Variants in RBBP8 observed in about 807,000 individuals in gnomAD.
RBBP8 encodes the protein DNA endonuclease RBBP8.
Under a neutral mutation model 108.3 loss-of-function variants are expected in RBBP8, and 88 were observed. The ratio of observed to expected loss-of-function variants is 0.81; its 90% CI spans 0.68 to 0.97. The LOEUF (loss-of-function observed/expected upper bound fraction) is 0.97. RBBP8 is among the 50% of genes least tolerant of loss of function. The pLI is 0.00. For missense variants in RBBP8, 1,023 were observed against 1,049.0 expected (o/e 0.98, Z 0.34); for synonymous variants, 332 against 348.2 (o/e 0.95, Z 0.52).
At chr18:22,986,788 T>C (rs1288264199) in intron 8 of RBBP8, among the ~76,000 whole-genome samples, 1 of 151,658 alleles carries the variant, frequency 6.6e-6, no homozygotes, top group South Asian at 2.1e-4. Flanking sequence ...TACAAATCAT[T>C]TTATATTAAC....
At chr18:22,971,067 T>G (rs1044144823) in intron 5 of RBBP8, among the ~76,000 whole-genome samples, 1 of 152,122 alleles carries the variant, frequency 6.6e-6, no homozygotes, top group African/African-American at 2.4e-5. Context: ...GGCAGGTACT[T>G]TTTCAGGCCT....
chr18:22,936,515 A>G (rs1910594959), intron 1 of RBBP8, among the ~76,000 whole-genome samples: 1 of 152,232 alleles, frequency 6.6e-6, no homozygotes, highest in Non-Finnish European at 1.5e-5. Flanking sequence ...TTCCTCTAAG[A>G]GAAATAAGAA....
chr18:22,950,817 G>C (rs1032605479), intron 4 of RBBP8, among the ~76,000 whole-genome samples: 1 of 152,104 alleles, frequency 6.6e-6, no homozygotes, highest in East Asian at 1.9e-4. Context: ...ACACTGAGAC[G>C]GGAGGATTGC....
intron 1 of RBBP8, among the ~76,000 whole-genome samples, chr18:22,914,923 G>A (rs556468436): frequency 2.0e-5 from 3 of 152,168 alleles, no homozygotes; most frequent in African/African-American, 7.2e-5. Context: ...AACTTTTTAG[G>A]TTAAAGAATA....
At position 22,993,537 on chromosome 18, in the gene RBBP8, C is replaced by A; in HGVS notation, c.1710C>A (p.Asp570Glu). ...AGCCCTTGAATAAATGCTCTCCAGA[C>A]AATAAACCATCATTACAAATAAAAG... ...ILQPLNKCSPDNKPSLQIKEE... is the reference protein window; with the variant it reads ...ILQPLNKCSPENKPSLQIKEE... The change falls in exon 11 of 19, where the codon GAC (aspartate) becomes GAA (glutamate). Residue 570 changes from aspartate (D) to glutamate (E), a missense_variant. Transcript: ENST00000327155. The A allele has an allele frequency of 6.2e-7, 1 of 1,613,488 alleles. No homozygotes were observed. The highest frequency in any genetic ancestry group is 8.5e-7 in the Non-Finnish European group (1 of 1,179,870).
In RBBP8 at chr18:22,997,674, G is replaced by C; in HGVS notation, c.2083G>C (p.Val695Leu). 1 of 1,610,998 alleles carries C rather than the reference G, an allele frequency of 6.2e-7. No individual in the cohort carries two copies. The highest frequency in any genetic ancestry group is 8.5e-7 in the Non-Finnish European group (1 of 1,178,152). ...GACAGTGGACATGGACTGTACATTG[G>C]TTAGTGAAACCGTTCTCTTAAAAAT... ...GETVDMDCTL[V>L]SETVLLKMKK... Residue 695 changes from valine (V) to leucine (L), a missense_variant, in exon 14 of 19, where the codon GTT becomes CTT. Physicochemically the swap from Val to Leu is conservative, Grantham distance 32. Coordinates refer to ENST00000327155, the MANE Select transcript of RBBP8 (RefSeq NM_002894.3).
At chr18:22,969,204 G>T (rs1266945622) in intron 5 of RBBP8, among the ~76,000 whole-genome samples, 4 of 149,332 alleles carry the variant, frequency 2.7e-5, no homozygotes, top group African/African-American at 9.8e-5. Context: ...GTCCATATTT[G>T]CTTCTTTGGT....
Position 22,969,988 on chromosome 18 carries a change from G to A in RBBP8, c.361+1070G>A, listed in dbSNP as rs139174263. 5.3e-3 allele frequency among the ~76,000 whole-genome samples: 800 copies of A among 152,260 alleles called. 3 individuals carry two copies. The highest frequency in any genetic ancestry group is 9.0e-3 in the Non-Finnish European group (610 of 68,010). ...GTCATCTGTAGGGTATTGGTTCCAGGACCCTGACGCATACCAAAATCCTTG... is the reference window on the plus strand; with the variant it reads ...GTCATCTGTAGGGTATTGGTTCCAGAACCCTGACGCATACCAAAATCCTTG... On this transcript the variant is annotated intron_variant, in intron 5 of 18. Coordinates refer to ENST00000327155, the MANE Select transcript of RBBP8 (RefSeq NM_002894.3).
At chr18:22,979,004 A>G (rs1914696806) in intron 6 of RBBP8, among the ~76,000 whole-genome samples, 1 of 152,248 alleles carries the variant, frequency 6.6e-6, no homozygotes, top group South Asian at 2.1e-4. Context: ...ACAGTGGCTC[A>G]TGCCTGTAGT....
intron 4 of RBBP8, among the ~76,000 whole-genome samples, chr18:22,964,233 T>C (rs1567964215): frequency 6.6e-6 from 1 of 152,124 alleles, no homozygotes; most frequent in Admixed American, 6.5e-5. Context: ...TCTGATTTTT[T>C]ATCTTTTCTG....
chr18:22,960,590 C>T (rs1017095493), intron 4 of RBBP8, among the ~76,000 whole-genome samples: 18 of 152,104 alleles, frequency 1.2e-4, no homozygotes, highest in Non-Finnish European at 2.5e-4. Flanking sequence ...TACAGTCTCC[C>T]TTTATAAAAA....
chr18:23,022,651 T>TAAATAAA (rs370599195), intron 18 of RBBP8, among the ~76,000 whole-genome samples: 2 of 84,368 alleles, frequency 2.4e-5, no homozygotes, highest in African/African-American at 1.2e-4. Flanking sequence ...TAAAATACAA[T>TAAATAAA]ATAAAATAAA....
At chr18:22,919,452 G>T (rs745564521) in intron 3 of RBBP8, among the ~76,000 whole-genome samples, 1 of 152,188 alleles carries the variant, frequency 6.6e-6, no homozygotes, top group African/African-American at 2.4e-5. Flanking sequence ...TTAAGTCCAC[G>T]ATAAAAGAAT....
chr18:23,000,479 C>T (rs2045928700), intron 14 of RBBP8, among the ~76,000 whole-genome samples: 1 of 152,136 alleles, frequency 6.6e-6, no homozygotes, highest in Non-Finnish European at 1.5e-5. Flanking sequence ...CAGTGACTCG[C>T]ACCTGTAATC....
At chr18:23,022,786 ACT>A (rs1385647054) in intron 18 of RBBP8, among the ~76,000 whole-genome samples, 10 of 151,550 alleles carry the variant, frequency 6.6e-5, no homozygotes, top group African/African-American at 2.4e-4. Flanking sequence ...AGATAAAAGG[ACT>A]CTTCAGTAAT....
At position 23,022,641 on chromosome 18, in the gene RBBP8, T is replaced by A. The variant is rs200020428; in HGVS notation, c.2596+371T>A. On this transcript the variant is annotated intron_variant, in intron 18 of 18. Coordinates refer to ENST00000327155, the MANE Select transcript of RBBP8 (RefSeq NM_002894.3). ...ATAAAATAAAATAAAATAAAATAAA[T>A]AAAATACAATATAAAATAAAATAAA... 5.2e-4 allele frequency among the ~76,000 whole-genome samples: 24 copies of A among 46,222 alleles called. 1 individual carries two copies. The highest frequency in any genetic ancestry group is 3.3e-3 in the East Asian group (8 of 2,450). The allele number at this position is 46,222 out of a possible 152,430, so 30.3% of individuals were successfully genotyped here. A position where few individuals can be genotyped will look rare whatever the true frequency, so the allele number is the denominator to read the frequency against.
chr18:22,996,742 A>G (rs1224934917), intron 13 of RBBP8, among the ~76,000 whole-genome samples: 2 of 151,938 alleles, frequency 1.3e-5, no homozygotes, highest in Admixed American at 1.3e-4. Flanking sequence ...CATGCCTGTA[A>G]TCCCAACACT....
intron 4 of RBBP8, among the ~76,000 whole-genome samples, chr18:22,962,000 T>C (rs1291531113): frequency 2.0e-5 from 3 of 152,242 alleles, no homozygotes; most frequent in South Asian, 4.1e-4. Context: ...TTCTGAGTGA[T>C]CGTCTTTTCT....
intron 3 of RBBP8, among the ~76,000 whole-genome samples, chr18:22,922,497 C>A (rs1909631716): frequency 6.6e-6 from 1 of 152,152 alleles, no homozygotes; most frequent in African/African-American, 2.4e-5. Context: ...GGGTCTCACT[C>A]TGTCACCCAG....
Sources: gnomAD v4.1 joint callset for allele counts (sites outside exome capture counted in the v4.1 genomes callset) on GRCh38, gnomAD v4.1.1 for gene constraint, MANE v1.5 for transcripts, NCBI Gene and HGNC (gene_info 2026-07-23, HGNC 2026-07-21) for gene names.